LOC400499: variants seen among roughly 807,000 people sequenced by gnomAD.
At chr16:11,425,075 G>C in the LOC400499 span, 1 of 398,848 alleles carries the variant, frequency 2.5e-6, no homozygotes, top group Non-Finnish European at 4.4e-6. Context: ...CTTGGCTCCA[G>C]GACTTAGAAG....
At chr16:11,409,090 A>G in the LOC400499 span, among the ~76,000 whole-genome samples, 1 of 151,848 alleles carries the variant, frequency 6.6e-6, no homozygotes, top group Admixed American at 6.6e-5. Context: ...GCGAAACCCC[A>G]TCTCTACCAA....
At chr16:11,498,299 G>A in the LOC400499 span, among the ~76,000 whole-genome samples, 1 of 152,220 alleles carries the variant, frequency 6.6e-6, no homozygotes, top group Admixed American at 6.5e-5. Flanking sequence ...TGGCCAACAT[G>A]GTGAAATCCC....
the LOC400499 span, among the ~76,000 whole-genome samples, chr16:11,375,328 TTTG>T: frequency 3.7e-4 from 35 of 95,308 alleles, no homozygotes; most frequent in Non-Finnish European, 3.8e-4. Flanking sequence ...TTTTTTTTTT[TTTG>T]GAGACAGAGT....
the LOC400499 span, among the ~76,000 whole-genome samples, chr16:11,429,607 G>A: frequency 6.6e-6 from 1 of 152,086 alleles, no homozygotes; most frequent in African/African-American, 2.4e-5. Context: ...CTGAGTAGCT[G>A]GGACTACAGG....
chr16:11,416,492 C>T, the LOC400499 span, among the ~76,000 whole-genome samples: 2 of 152,318 alleles, frequency 1.3e-5, no homozygotes, highest in South Asian at 2.1e-4. Flanking sequence ...ATCTCATAGG[C>T]TCGTTCATGC....
At chr16:11,401,309 G>A in the LOC400499 span, 1 of 399,228 alleles carries the variant, frequency 2.5e-6, no homozygotes, top group Non-Finnish European at 4.4e-6. Context: ...AAGGCCACTG[G>A]CCTCGGCTTG....
At chr16:11,417,720 G>A in the LOC400499 span, 3 of 399,112 alleles carry the variant, frequency 7.5e-6, no homozygotes, top group Admixed American at 1.3e-4. Context: ...TCCGGCCGGA[G>A]AGCTCCAGGT....
At chr16:11,456,763 G>A in the LOC400499 span, 388,005 of 1,406,808 alleles carry the variant, frequency 0.28, 56,129 homozygotes, top group Admixed American at 0.51. Flanking sequence ...CCAACAAAAG[G>A]AAAAGGTGTT....
chr16:11,433,723 C>T, the LOC400499 span, among the ~76,000 whole-genome samples: 48 of 152,250 alleles, frequency 3.2e-4, no homozygotes, highest in African/African-American at 1.0e-3. Context: ...AGTTAATAAG[C>T]GGTCATGCCC....
chr16:11,491,939 T>C, the LOC400499 span: 1 of 395,910 alleles, frequency 2.5e-6, no homozygotes, highest in Admixed American at 4.4e-5. Flanking sequence ...ACCTGCTGCC[T>C]AGCCCCAGCT....
chr16:11,433,060 G>C, the LOC400499 span, among the ~76,000 whole-genome samples: 5 of 152,096 alleles, frequency 3.3e-5, no homozygotes, highest in African/African-American at 1.2e-4. Flanking sequence ...TATAAATAAA[G>C]TTTTATTGGA....
At chr16:11,512,527 GGGAGA>G in the LOC400499 span, among the ~76,000 whole-genome samples, 41 of 152,210 alleles carry the variant, frequency 2.7e-4, no homozygotes, top group African/African-American at 9.1e-4. Flanking sequence ...GCGTGAACCT[GGGAGA>G]GGAGGTTGCA....
the LOC400499 span, chr16:11,381,265 G>C: frequency 1.3e-5 from 2 of 152,126 alleles, no homozygotes; most frequent in South Asian, 4.1e-4. Flanking sequence ...TTTGTTTTGT[G>C]AGACAGGGTC....
At chr16:11,502,094 G>A in the LOC400499 span, 1 of 399,138 alleles carries the variant, frequency 2.5e-6, no homozygotes, top group Non-Finnish European at 4.4e-6. Context: ...CTCGGCATTT[G>A]AAGGAAGAAT....
the LOC400499 span, among the ~76,000 whole-genome samples, chr16:11,490,517 G>A: frequency 6.6e-6 from 1 of 152,022 alleles, no homozygotes; most frequent in African/African-American, 2.4e-5. Flanking sequence ...GGCTAATGTG[G>A]TGAAACCCCG....
the LOC400499 span, among the ~76,000 whole-genome samples, chr16:11,388,915 C>T: frequency 3.3e-5 from 5 of 151,962 alleles, no homozygotes; most frequent in East Asian, 1.9e-4. Flanking sequence ...GGTGAAACCC[C>T]GTCTCTACTA....
At chr16:11,522,099 G>A in the LOC400499 span, 3 of 389,640 alleles carry the variant, frequency 7.7e-6, no homozygotes, top group African/African-American at 4.7e-5. Context: ...CAGGGAGGTG[G>A]GGCCCAGCTG....
chr16:11,506,383 C>G, the LOC400499 span, among the ~76,000 whole-genome samples: 1 of 152,212 alleles, frequency 6.6e-6, no homozygotes, highest in Non-Finnish European at 1.5e-5. Context: ...ATCCGGAAGT[C>G]TACTCACCCA....
the LOC400499 span, among the ~76,000 whole-genome samples, chr16:11,397,223 A>G: frequency 5.9e-5 from 9 of 152,288 alleles, no homozygotes; most frequent in Non-Finnish European, 8.8e-5. Flanking sequence ...AGGAAAAGAT[A>G]AGGGGTGGGA....
Sources: allele counts gnomAD v4.1 joint callset (sites outside exome capture counted in the v4.1 genomes callset), GRCh38; gene constraint gnomAD v4.1.1; transcripts MANE v1.5.